Variants in C18orf54 observed in about 807,000 individuals in gnomAD.
C18orf54 encodes chromosome 18 open reading frame 54, also known as lung adenoma susceptibility protein 2.
In C18orf54, 49 loss-of-function variants were observed where a neutral mutation model predicts 49.3. That is an observed-to-expected ratio of 0.99 (90% CI 0.79 to 1.26). The LOEUF (loss-of-function observed/expected upper bound fraction) is 1.26. Among genes scored for constraint, C18orf54 ranks in the 50% most tolerant of loss-of-function variants. The probability of loss-of-function intolerance (pLI) is 0.00; values close to 1 mark genes in which losing one functional copy is unlikely to be tolerated. For synonymous variants in C18orf54, 211 were observed against 216.6 expected (o/e 0.97, Z 0.23); for missense variants, 687 against 620.6 (o/e 1.11, Z -1.14).
chr18:54,369,044 C>T (rs4939759), intron 6 of C18orf54, among the ~76,000 whole-genome samples: 113,190 of 151,980 alleles, frequency 0.74, 42,565 homozygotes, highest in African/African-American at 0.86. Flanking sequence ...GAAAATGGCA[C>T]TTAGAAACTA....
At position 54,362,756 on chromosome 18, in the gene C18orf54, A is replaced by G; in HGVS notation, c.1073-15A>G. ...TTTTTTTCTTCAAGGATTAATAGTC[A>G]TCTTTTACAATTAGGTGACAAAATT... On this transcript the variant is annotated splice_polypyrimidine_tract_variant and intron_variant, in intron 4 of 8. Coordinates refer to ENST00000620105, the MANE Select transcript of C18orf54 (RefSeq NM_001288980.2). 3.8e-6 allele frequency: 6 copies of G among 1,597,150 alleles called. No individual in the cohort carries two copies. Among genetic ancestry groups the G allele is most frequent in the South Asian group, 1.1e-5 (1 of 87,316 alleles).
In C18orf54 at chr18:54,374,074, ATATT is replaced by A. The variant is rs527426932; in HGVS notation, c.1459-137_1459-134del. ...TTTTTACAGTAAATGGAAAATAAAA[ATATT>A]TAATACTCTTGAAAATTAGAATTGT... On this transcript the variant is annotated intron_variant, in intron 7 of 8. Transcript: ENST00000620105. 4.3e-4 allele frequency: 343 copies of A among 801,432 alleles called. 1 individual carries two copies. In the African/African-American group the frequency reaches 4.9e-3, roughly 11 times the overall value. The allele number at this position is 801,432 out of a possible 1,614,324, so 49.6% of individuals were successfully genotyped here. A position where few individuals can be genotyped will look rare whatever the true frequency, so the allele number is the denominator to read the frequency against.
Position 54,372,595 on chromosome 18 carries a change from C to T in C18orf54, c.1456C>T (p.Gln486Ter), listed in dbSNP as rs144542525. ...CACAGATCCAAAAGAAGAGATTAAA[C>T]AAGTAAGCACAAACATGATTTATGA... ...KTTDPKEEIK[Q>*]VSEDDFSKLQ... The change falls in exon 7 of 9, where the codon CAA becomes TAA. Residue 486 changes from glutamine to a stop codon, truncating the protein, a stop_gained and splice_region_variant. Coordinates refer to ENST00000620105, the MANE Select transcript of C18orf54 (RefSeq NM_001288980.2). LOFTEE classifies it high-confidence loss of function. 30 of 1,587,966 alleles carry T rather than the reference C, an allele frequency of 1.9e-5. No individual in the cohort carries two copies. Among genetic ancestry groups the T allele is most frequent in the African/African-American group, 4.1e-5 (3 of 73,938 alleles).
intron 8 of C18orf54, among the ~76,000 whole-genome samples, chr18:54,377,928 A>T (rs1201832670): frequency 2.0e-5 from 3 of 152,218 alleles, no homozygotes; most frequent in Non-Finnish European, 4.4e-5. Flanking sequence ...ACTATCTTAA[A>T]AAAAGTTAAT....
At chr18:54,371,013 A>G (rs954368738) in intron 6 of C18orf54, among the ~76,000 whole-genome samples, 1 of 151,262 alleles carries the variant, frequency 6.6e-6, no homozygotes, top group Non-Finnish European at 1.5e-5. Context: ...AAAATTTACC[A>G]TTTTAATCAT....
intron 6 of C18orf54, among the ~76,000 whole-genome samples, chr18:54,369,466 CTTTTTTTTTT>C (rs140753589): frequency 1.1e-5 from 1 of 89,152 alleles, no homozygotes; most frequent in South Asian, 4.4e-4. Flanking sequence ...TTGTATATTG[CTTTTTTTTTT>C]TTTTTTTTTT....
At chr18:54,360,880 T>C (rs2089256216) in intron 3 of C18orf54, 25 bp downstream of exon 3, 1 of 1,589,680 alleles carries the variant, frequency 6.3e-7, no homozygotes, top group Non-Finnish European at 8.6e-7. Flanking sequence ...TTTGTTTTCT[T>C]TGTGTTCAGA....
At position 54,362,400 on chromosome 18, in the gene C18orf54, T is replaced by C. The variant is rs2089290303; in HGVS notation, c.1041T>C (p.Leu347=). The change falls in exon 4 of 9, where the codon CTT becomes CTC. Residue 347 remains leucine (L), a synonymous_variant. Transcript: ENST00000620105. ...EHSQCQCENP[L]LPGQSTKPFS... Reference sequence around the variant, plus strand: ...GCCAGTGTCAATGTGAGAATCCACTTCTCCCAGGACAATCCACAAAGCCAT... The same window carrying C: ...GCCAGTGTCAATGTGAGAATCCACTCCTCCCAGGACAATCCACAAAGCCAT... 5 of 1,531,402 alleles carry C rather than the reference T, an allele frequency of 3.3e-6. No homozygotes were observed. Among genetic ancestry groups the C allele is most frequent in the Non-Finnish European group, 4.4e-6 (5 of 1,144,058 alleles). 94.9% of individuals were successfully genotyped at this position (1,531,402 alleles called of 1,614,324 possible).
At position 54,378,438 on chromosome 18, in the gene C18orf54, C is replaced by A; in HGVS notation, c.*192C>A. The A allele has an allele frequency of 2.2e-6, 1 of 457,316 alleles. No homozygotes were observed. The highest frequency in any genetic ancestry group is 3.8e-6 in the Non-Finnish European group (1 of 260,722). 28.3% of individuals were successfully genotyped at this position (457,316 alleles called of 1,614,324 possible). A position where few individuals can be genotyped will look rare whatever the true frequency, so the allele number is the denominator to read the frequency against. On this transcript the variant is annotated 3_prime_UTR_variant, in exon 9 of 9. Coordinates refer to ENST00000620105, the MANE Select transcript of C18orf54 (RefSeq NM_001288980.2). ...GGGACCTATCTTTATTTTGTGCCAA[C>A]ATACTAGAATGTGAACTGCAAGGAC...
At chr18:54,373,711 A>G (rs1361677713) in intron 7 of C18orf54, among the ~76,000 whole-genome samples, 2 of 151,844 alleles carry the variant, frequency 1.3e-5, no homozygotes, top group Non-Finnish European at 3.0e-5. Flanking sequence ...AGTGCTTGGT[A>G]CATGGTAAGT....
intron 7 of C18orf54, among the ~76,000 whole-genome samples, chr18:54,373,525 C>A (rs537622287): frequency 7.5e-4 from 114 of 151,878 alleles, no homozygotes; most frequent in African/African-American, 2.7e-3. Context: ...ATGTTGTATC[C>A]TTTGAAAAAC....
At chr18:54,365,039 G>A (rs936945092) in intron 5 of C18orf54, among the ~76,000 whole-genome samples, 8 of 151,922 alleles carry the variant, frequency 5.3e-5, no homozygotes, top group Admixed American at 2.0e-4. Flanking sequence ...CTACTACCCC[G>A]TGAATATCAG....
chr18:54,375,352 G>A (rs1417640683), intron 8 of C18orf54, among the ~76,000 whole-genome samples: 4 of 151,134 alleles, frequency 2.6e-5, no homozygotes, highest in Non-Finnish European at 4.4e-5. Context: ...TAAAAGAAGC[G>A]GGATTCAGAT....
At chr18:54,368,955 C>T (rs549118638) in intron 6 of C18orf54, among the ~76,000 whole-genome samples, 3 of 152,314 alleles carry the variant, frequency 2.0e-5, no homozygotes, top group South Asian at 4.1e-4. Context: ...GGAGTTCCTT[C>T]ATGTTGGCTC....
chr18:54,370,399 T>C (rs2089465657), intron 6 of C18orf54, among the ~76,000 whole-genome samples: 1 of 152,186 alleles, frequency 6.6e-6, no homozygotes, highest in South Asian at 2.1e-4. Flanking sequence ...GCATAGGTTA[T>C]ATGCAAATAC....
Position 54,360,988 on chromosome 18 carries a change from G to T in C18orf54, c.283+133G>T, listed in dbSNP as rs977247319. The T allele has an allele frequency of 1.4e-5, 12 of 846,542 alleles. No individual in the cohort carries two copies. The African/African-American group carries it at 1.9e-4, about 13-fold the overall frequency. 52.4% of individuals were successfully genotyped at this position (846,542 alleles called of 1,614,324 possible). On this transcript the variant is annotated intron_variant, in intron 3 of 8. Coordinates refer to ENST00000620105, the MANE Select transcript of C18orf54 (RefSeq NM_001288980.2). ...AATAACATAATATTGAGATCTGGGT[G>T]TTTTTGTAAAATGATTATATAATTC...
rs570115603 is a variant in C18orf54, at chr18:54,361,634, G to A, written c.284-9G>A. The A allele has an allele frequency of 8.1e-5, 127 of 1,571,532 alleles. 1 individual carries two copies. The South Asian group carries it at 1.1e-3, about 14-fold the overall frequency. Reference sequence around the variant, plus strand: ...TATGTAATAAACAAAACTGTTCTTCGTTTTTCAGCTTTTGAAAACCTTGAT... The same window carrying A: ...TATGTAATAAACAAAACTGTTCTTCATTTTTCAGCTTTTGAAAACCTTGAT... On this transcript the variant is annotated splice_polypyrimidine_tract_variant and intron_variant, in intron 3 of 8. Coordinates refer to ENST00000620105, the MANE Select transcript of C18orf54 (RefSeq NM_001288980.2).
In C18orf54 at chr18:54,378,263, G is replaced by C. The variant is rs1599355699; in HGVS notation, c.*17G>C. The C allele has an allele frequency of 1.2e-6, 2 of 1,603,982 alleles. No individual in the cohort carries two copies. The highest frequency in any genetic ancestry group is 1.3e-5 in the African/African-American group (1 of 74,784). ...AAAATGTGAAGAGGAAAATGAAACTGTCACCACAATGAATAGTCACCACAG... is the reference window on the plus strand; with the variant it reads ...AAAATGTGAAGAGGAAAATGAAACTCTCACCACAATGAATAGTCACCACAG... On this transcript the variant is annotated 3_prime_UTR_variant, in exon 9 of 9. Coordinates refer to ENST00000620105, the MANE Select transcript of C18orf54 (RefSeq NM_001288980.2).
At chr18:54,359,612 A>G (rs2089219997) in intron 2 of C18orf54, among the ~76,000 whole-genome samples, 1 of 152,248 alleles carries the variant, frequency 6.6e-6, no homozygotes, top group Non-Finnish European at 1.5e-5. Flanking sequence ...ACATTATAAC[A>G]TCATAGCATA....
Sources: gnomAD v4.1 joint callset for allele counts (sites outside exome capture counted in the v4.1 genomes callset) on GRCh38, gnomAD v4.1.1 for gene constraint, MANE v1.5 for transcripts, NCBI Gene and HGNC (gene_info 2026-07-23, HGNC 2026-07-21) for gene names.